The following CRACDL variants were observed in gnomAD, a reference collection of about 807,000 sequenced individuals.
CRACDL encodes the protein CRACD-like protein.
Under a neutral mutation model 70.6 loss-of-function variants are expected in CRACDL, and 26 were observed. That is an observed-to-expected ratio of 0.37 (90% confidence interval 0.27 to 0.51). The LOEUF (loss-of-function observed/expected upper bound fraction) is 0.51. Among genes scored for constraint, CRACDL ranks in the 20% least tolerant of loss-of-function variants. The pLI is 0.94. For synonymous variants in CRACDL, 618 were observed against 615.2 expected, an observed-to-expected ratio of 1.00 and a Z score of -0.07; for missense variants, 1,283 against 1,376.9, an observed-to-expected ratio of 0.93 and a Z score of 1.08.
At chr2:98,927,931 A>T (rs1708973279) in intron 1 of CRACDL, among the ~76,000 whole-genome samples, 1 of 152,162 alleles carries the variant, frequency 6.6e-6, no homozygotes, top group Non-Finnish European at 1.5e-5. Context: ...CTGTAATCCC[A>T]GCACTTTGAG....
At chr2:98,859,120 C>T (rs553494389) in intron 1 of CRACDL, among the ~76,000 whole-genome samples, 1 of 152,298 alleles carries the variant, frequency 6.6e-6, no homozygotes, top group South Asian at 2.1e-4. Flanking sequence ...ACAGGTGACA[C>T]TTTCCAGCTC....
chr2:98,917,156 C>G (rs1293261271), intron 1 of CRACDL, among the ~76,000 whole-genome samples: 1 of 152,184 alleles, frequency 6.6e-6, no homozygotes, highest in Non-Finnish European at 1.5e-5. Flanking sequence ...TCCCTTGTGA[C>G]TAAGCATCCT....
At chr2:98,911,211 C>T (rs1312664714) in intron 1 of CRACDL, among the ~76,000 whole-genome samples, 1 of 152,212 alleles carries the variant, frequency 6.6e-6, no homozygotes, top group East Asian at 1.9e-4. Context: ...GAATTCTGGC[C>T]CTGCCTCCCT....
intron 1 of CRACDL, among the ~76,000 whole-genome samples, chr2:98,914,040 C>T (rs1307407393): frequency 1.3e-5 from 2 of 152,242 alleles, no homozygotes; most frequent in South Asian, 4.1e-4. Context: ...TGTTGAAAGG[C>T]TAAGCAATCA....
At chr2:98,885,134 C>A (rs574639905) in intron 1 of CRACDL, among the ~76,000 whole-genome samples, 1 of 152,116 alleles carries the variant, frequency 6.6e-6, no homozygotes, top group East Asian at 1.9e-4. Context: ...CAGAAGAAGT[C>A]GAAGCTCAAA....
At chr2:98,922,283 T>C (rs970910071) in intron 1 of CRACDL, among the ~76,000 whole-genome samples, 1 of 150,872 alleles carries the variant, frequency 6.6e-6, no homozygotes, top group Non-Finnish European at 1.5e-5. Flanking sequence ...AAATACAAAA[T>C]ACACCCATGC....
chr2:98,915,731 T>G (rs543548167), intron 1 of CRACDL, among the ~76,000 whole-genome samples: 16 of 152,218 alleles, frequency 1.1e-4, no homozygotes, highest in Non-Finnish European at 1.9e-4. Context: ...GAGTGACACG[T>G]GGAAGTTAGG....
At chr2:98,803,191 G>A (rs1241597936) in intron 7 of CRACDL, among the ~76,000 whole-genome samples, 1 of 151,980 alleles carries the variant, frequency 6.6e-6, no homozygotes, top group Non-Finnish European at 1.5e-5. Context: ...TAGTAGAGAC[G>A]GGGTTTCACC....
chr2:98,838,442 T>C (rs984382127), intron 2 of CRACDL, among the ~76,000 whole-genome samples, 155 bp from the exon 3 acceptor site: 1 of 152,232 alleles, frequency 6.6e-6, no homozygotes, highest in Non-Finnish European at 1.5e-5. Flanking sequence ...CAAAAGTACA[T>C]GGTATACCAG....
intron 1 of CRACDL, among the ~76,000 whole-genome samples, chr2:98,852,196 T>C (rs1446500646): frequency 2.0e-5 from 3 of 152,152 alleles, no homozygotes; most frequent in African/African-American, 7.2e-5. Flanking sequence ...ATGTAAACCC[T>C]ATCCTAATTC....
intron 5 of CRACDL, 23 bp downstream of exon 5, chr2:98,832,325 G>A (rs1328913588): frequency 6.2e-7 from 1 of 1,613,596 alleles, no homozygotes; most frequent in East Asian, 2.2e-5. Flanking sequence ...ATGAAGACAT[G>A]CAGTGGTACA....
At chr2:98,830,313 T>C (rs1275048881) in intron 5 of CRACDL, among the ~76,000 whole-genome samples, 1 of 152,234 alleles carries the variant, frequency 6.6e-6, no homozygotes, top group African/African-American at 2.4e-5. Flanking sequence ...AAATACTTGG[T>C]ACTAAAGACT....
rs1323265133 is a variant in CRACDL, at chr2:98,877,195, A to G, written c.-10-30385T>C. 2.0e-5 allele frequency among the ~76,000 whole-genome samples: 3 copies of G among 152,206 alleles called. No homozygotes were observed. The East Asian group carries it at 5.8e-4, about 29-fold the overall frequency. ...CAATAAGTCTGTAGAACTGGGTTCTACCCTCGACTTTACCACTAACAAGCT... is the reference window on the plus strand; with the variant it reads ...CAATAAGTCTGTAGAACTGGGTTCTGCCCTCGACTTTACCACTAACAAGCT... On this transcript the variant is annotated intron_variant, in intron 1 of 9. Transcript: ENST00000397899.
intron 1 of CRACDL, among the ~76,000 whole-genome samples, chr2:98,856,065 A>C (rs1370308649): frequency 2.0e-5 from 3 of 152,192 alleles, no homozygotes; most frequent in Non-Finnish European, 4.4e-5. Context: ...TCTCTGAAAT[A>C]ATAGCCAAAA....
chr2:98,916,746 G>A (rs945599116), intron 1 of CRACDL, among the ~76,000 whole-genome samples: 2 of 152,040 alleles, frequency 1.3e-5, no homozygotes, highest in African/African-American at 2.4e-5. Flanking sequence ...GGAAGAGGAG[G>A]TGAAGACAGC....
chr2:98,822,284 C>G lies in CRACDL; in HGVS notation c.1989G>C (p.Thr663=), dbSNP rs752037635. Residue 663 remains threonine (T), a synonymous_variant, in exon 7 of 10, where the codon ACG becomes ACC. Coordinates refer to ENST00000397899, the MANE Select transcript of CRACDL (RefSeq NM_207362.3). This position sits in a 1 kb window ranked among gnomAD's most constrained non-coding sequence, Gnocchi z 4.9. ...CCTGGGCGGCTGGGCAGGGCTCTCT[C>G]GTGCCGGGCGCGGCGGCCGCCTCCT... ...SPQEAAAAPG[T]REPCPAAQEP... 2.6e-6 allele frequency: 4 copies of G among 1,561,616 alleles called. No homozygotes were observed. The highest frequency in any genetic ancestry group is 3.4e-6 in the Non-Finnish European group (4 of 1,163,580).
At chr2:98,889,334 A>AGAAAGAAAGAAAGAAAGAAG (rs762005697) in intron 1 of CRACDL, among the ~76,000 whole-genome samples, 2 of 113,906 alleles carry the variant, frequency 1.8e-5, no homozygotes, top group Non-Finnish European at 3.8e-5. Context: ...AAAGAAAGAA[A>AGAAAGAAAGAAAGAAAGAAG]GAAAGAAAGG....
At position 98,823,202 on chromosome 2, in the gene CRACDL, C is replaced by T. The variant is rs1396428801; in HGVS notation, c.1071G>A (p.Pro357=). Reference sequence around the variant, plus strand: ...GACCGGGATTCGGGGGGCCCTCCGGCGGGGACGGGGGCTCCACGCGGAGAG... The same window carrying T: ...GACCGGGATTCGGGGGGCCCTCCGGTGGGGACGGGGGCTCCACGCGGAGAG... ...APTLRVEPPS[P]PEGPPNPGPD... The change falls in exon 7 of 10, where the codon CCG becomes CCA. Residue 357 remains proline, a synonymous_variant. Coordinates refer to ENST00000397899, the MANE Select transcript of CRACDL (RefSeq NM_207362.3). This position sits in a 1 kb window ranked among gnomAD's most constrained non-coding sequence, Gnocchi z 4.0. 8.3e-6 allele frequency: 12 copies of T among 1,439,012 alleles called. No individual in the cohort carries two copies. Among genetic ancestry groups the T allele is most frequent in the Non-Finnish European group, 1.1e-5 (12 of 1,096,922 alleles). 89.1% of individuals were successfully genotyped at this position (1,439,012 alleles called of 1,614,324 possible). A position where few individuals can be genotyped will look rare whatever the true frequency, so the allele number is the denominator to read the frequency against.
chr2:98,855,850 G>A lies in CRACDL; in HGVS notation c.-10-9040C>T, dbSNP rs185246803. Among the ~76,000 whole-genome samples the A allele has an allele frequency of 2.7e-3, 416 of 152,114 alleles. 1 individual carries two copies. Among genetic ancestry groups the A allele is most frequent in the Admixed American group, 5.8e-3 (89 of 15,280 alleles). On this transcript the variant is annotated intron_variant, in intron 1 of 9. Coordinates refer to ENST00000397899, the MANE Select transcript of CRACDL (RefSeq NM_207362.3). ...TTGAAAAGTACAATAAGTGAAATGA[G>A]AAAATTCACTGAAGAGGCTCAACAG...
Sources: gnomAD v4.1 joint callset for allele counts (sites outside exome capture counted in the v4.1 genomes callset) on GRCh38, gnomAD v4.1.1 for gene constraint, Gnocchi (gnomAD v3.1) non-coding constraint, MANE v1.5 for transcripts, NCBI Gene and HGNC (gene_info 2026-07-23, HGNC 2026-07-21) for gene names.